The following SDK1 variants were observed in gnomAD, a reference collection of about 807,000 sequenced individuals.
SDK1 encodes protein sidekick-1.
A neutral mutation model predicts 245.5 loss-of-function variants in SDK1; 157 were observed. That is an observed-to-expected ratio of 0.64 (90% CI 0.56 to 0.73). The LOEUF (loss-of-function observed/expected upper bound fraction) is 0.73, where lower values mean the gene tolerates loss of function less well. Among genes scored for constraint, SDK1 ranks in the 30% least tolerant of loss-of-function variants. SDK1 has a pLI of 0.00. For missense variants in SDK1, 3,583 were observed against 3,002.3 expected (o/e 1.19, Z -4.52); for synonymous variants, 1,647 against 1,278.5 (o/e 1.29, Z -6.15).
chr7:3,474,184 C>A, intron 1 of SDK1, among the ~76,000 whole-genome samples: 1 of 144,004 alleles, frequency 6.9e-6, no homozygotes, highest in East Asian at 2.2e-4. Context: ...CTCACTGCAA[C>A]CTCTGCCTCC....
At chr7:4,175,471 C>G (rs1159943863) in intron 33 of SDK1, among the ~76,000 whole-genome samples, 1 of 152,224 alleles carries the variant, frequency 6.6e-6, no homozygotes, top group Non-Finnish European at 1.5e-5. Context: ...GAAAAGGTGT[C>G]CTGCCACTCA....
intron 1 of SDK1, among the ~76,000 whole-genome samples, chr7:3,531,747 G>T (rs181232600): frequency 6.6e-6 from 1 of 152,294 alleles, no homozygotes; most frequent in African/African-American, 2.4e-5. Flanking sequence ...TCTTAGAAAA[G>T]GAATGATTTT....
intron 2 of SDK1, among the ~76,000 whole-genome samples, chr7:3,623,839 A>G (rs771250228): frequency 7.2e-5 from 11 of 152,202 alleles, no homozygotes; most frequent in Non-Finnish European, 1.0e-4. Context: ...TAAAAATTTT[A>G]TAGTTTTCTT....
At chr7:3,438,025 T>C (rs1367354185) in intron 1 of SDK1, among the ~76,000 whole-genome samples, 1 of 152,188 alleles carries the variant, frequency 6.6e-6, no homozygotes, top group Non-Finnish European at 1.5e-5. Flanking sequence ...AGTGGAATTA[T>C]TCTGCATTTT....
intron 1 of SDK1, among the ~76,000 whole-genome samples, chr7:3,349,719 C>T (rs1037702978): frequency 2.0e-5 from 3 of 152,176 alleles, no homozygotes; most frequent in African/African-American, 7.2e-5. Flanking sequence ...CCTGCCTCAG[C>T]CTCCCGAGTG....
chr7:3,942,108 G>A lies in SDK1; in HGVS notation c.848-8815G>A, dbSNP rs528435654. On this transcript the variant is annotated intron_variant, in intron 5 of 44. Coordinates refer to ENST00000404826, the MANE Select transcript of SDK1 (RefSeq NM_152744.4). The stretch of plus-strand genomic sequence containing the variant: ...TTTTTAGTGGAGACGGGGTTTCACC[G>A]TGTTAGCTAGGATGGTCTCGATCTC... Among the ~76,000 whole-genome samples, 82 of 152,068 alleles carry A rather than the reference G, an allele frequency of 5.4e-4. 1 individual carries two copies. Among genetic ancestry groups the A allele is most frequent in the African/African-American group, 1.5e-3 (61 of 41,490 alleles).
At chr7:3,722,962 A>C (rs1018990756) in intron 4 of SDK1, among the ~76,000 whole-genome samples, 3 of 152,234 alleles carry the variant, frequency 2.0e-5, no homozygotes, top group Non-Finnish European at 4.4e-5. Context: ...AAATTGCTTT[A>C]CATGTTTTAA....
chr7:4,178,405 T>C (rs551705987), intron 34 of SDK1, 80 bp from the exon 35 acceptor site: 7 of 1,022,074 alleles, frequency 6.8e-6, no homozygotes, highest in African/African-American at 1.6e-5. Flanking sequence ...CCTTGCTTCA[T>C]TGTGGTTCAT....
At chr7:3,873,190 T>C (rs7792440) in intron 5 of SDK1, among the ~76,000 whole-genome samples, 7,775 of 148,802 alleles carry the variant, frequency 0.052, 621 homozygotes, top group African/African-American at 0.19. Context: ...TCTCCTTCAC[T>C]TTTAGAGGAT....
chr7:3,634,777 A>C (rs1242514903), intron 2 of SDK1, among the ~76,000 whole-genome samples: 1 of 152,190 alleles, frequency 6.6e-6, no homozygotes, highest in Non-Finnish European at 1.5e-5. Flanking sequence ...CATTAGACTA[A>C]AGAGATGGTA....
intron 4 of SDK1, among the ~76,000 whole-genome samples, chr7:3,813,358 G>A (rs1412355461): frequency 6.2e-5 from 9 of 146,328 alleles, no homozygotes; most frequent in Non-Finnish European, 8.9e-5. Flanking sequence ...GAGAATAGGC[G>A]GTGTTTGGTT....
At chr7:3,602,203 T>C (rs1781275555) in intron 1 of SDK1, among the ~76,000 whole-genome samples, 1 of 151,874 alleles carries the variant, frequency 6.6e-6, no homozygotes, top group Non-Finnish European at 1.5e-5. Flanking sequence ...AGTAATGGGA[T>C]GGCTGGGTCA....
intron 17 of SDK1, among the ~76,000 whole-genome samples, chr7:4,048,519 C>G (rs1422470252): frequency 6.6e-6 from 1 of 151,946 alleles, no homozygotes; most frequent in East Asian, 1.9e-4. Context: ...GTGCACCCAT[C>G]CTCGCCAGGC....
intron 4 of SDK1, among the ~76,000 whole-genome samples, chr7:3,797,762 T>C (rs1157577168): frequency 1.3e-5 from 2 of 152,190 alleles, no homozygotes; most frequent in African/African-American, 2.4e-5. Context: ...GGCTAGTGAA[T>C]GGTTCCTTGA....
chr7:3,597,327 C>A (rs1049552084), intron 1 of SDK1, among the ~76,000 whole-genome samples: 1 of 149,500 alleles, frequency 6.7e-6, no homozygotes, highest in South Asian at 2.1e-4. Flanking sequence ...TATCTAGTTA[C>A]AGTTCACTTT....
intron 1 of SDK1, among the ~76,000 whole-genome samples, chr7:3,399,702 G>C (rs75489720): frequency 2.6e-5 from 4 of 152,010 alleles, no homozygotes; most frequent in Admixed American, 1.3e-4. Context: ...GTGGTCAGTT[G>C]ATGATTGGAC....
intron 17 of SDK1, among the ~76,000 whole-genome samples, chr7:4,017,635 G>A (rs2128152257): frequency 6.6e-6 from 1 of 152,292 alleles, no homozygotes; most frequent in South Asian, 2.1e-4. Context: ...AAAGTCTGTG[G>A]AACTGGATTT....
Position 3,731,138 on chromosome 7 carries a change from C to T in SDK1, c.713+89033C>T, listed in dbSNP as rs111477516. Among the ~76,000 whole-genome samples the T allele has an allele frequency of 7.9e-5, 12 of 152,318 alleles. 1 individual carries two copies. Among genetic ancestry groups the T allele is most frequent in the South Asian group, 4.1e-4 (2 of 4,826 alleles). ...TTCTGCTAGTCTGCACTCACTCATG[C>T]ATCCATCACCGCAGTGGCAGGGTGA... On this transcript the variant is annotated intron_variant, in intron 4 of 44. Transcript: ENST00000404826.
At chr7:4,117,052 T>C (rs533340914) in intron 25 of SDK1, among the ~76,000 whole-genome samples, 1 of 152,336 alleles carries the variant, frequency 6.6e-6, no homozygotes, top group South Asian at 2.1e-4. Context: ...AGGAGAGAAC[T>C]TGAGAAGTTC....
Sources: allele counts gnomAD v4.1 joint callset (sites outside exome capture counted in the v4.1 genomes callset), GRCh38; gene constraint gnomAD v4.1.1; transcripts MANE v1.5; gene names NCBI Gene and HGNC (gene_info 2026-07-23, HGNC 2026-07-21).